FHIT: variants seen among roughly 807,000 people sequenced by gnomAD.
FHIT encodes the protein fragile histidine triad diadenosine triphosphatase.
FHIT carries 19 observed loss-of-function variants against 17.9 expected under a neutral mutation model. That is an observed-to-expected ratio of 1.06 (90% CI 0.74 to 1.56). The LOEUF (loss-of-function observed/expected upper bound fraction) is 1.56. FHIT is among the 40% of genes most tolerant of loss of function. FHIT has a pLI of 0.00. For missense variants in FHIT, 248 were observed against 189.2 expected, an observed-to-expected ratio of 1.31 and a Z score of -1.82; for synonymous variants, 81 against 69.7, an observed-to-expected ratio of 1.16 and a Z score of -0.81.
At chr3:61,026,812 T>C (rs2032758159) in intron 3 of FHIT, among the ~76,000 whole-genome samples, 2 of 152,180 alleles carry the variant, frequency 1.3e-5, no homozygotes, top group Admixed American at 6.5e-5. Context: ...TTTAAACTGA[T>C]AGTAAAAAGC....
At chr3:60,213,018 G>A (rs1703528823) in intron 5 of FHIT, among the ~76,000 whole-genome samples, 1 of 152,074 alleles carries the variant, frequency 6.6e-6, no homozygotes, top group African/African-American at 2.4e-5. Context: ...GCAAGAGAGG[G>A]ATCTGTGTCC....
chr3:61,015,530 G>A (rs1007934415), intron 3 of FHIT, among the ~76,000 whole-genome samples: 1 of 152,102 alleles, frequency 6.6e-6, no homozygotes, highest in African/African-American at 2.4e-5. Flanking sequence ...TTAAGAACTT[G>A]GAGGCATGCC....
intron 5 of FHIT, among the ~76,000 whole-genome samples, chr3:60,461,575 C>T (rs1372359855): frequency 6.6e-6 from 1 of 152,196 alleles, no homozygotes; most frequent in Non-Finnish European, 1.5e-5. Flanking sequence ...CAACGCTGTA[C>T]AGACAACGCA....
chr3:60,185,815 T>C (rs1702135769), intron 5 of FHIT, among the ~76,000 whole-genome samples: 1 of 152,212 alleles, frequency 6.6e-6, no homozygotes, highest in Non-Finnish European at 1.5e-5. Context: ...GTATTTGCTC[T>C]ACATCCTCCC....
At chr3:60,812,322 G>C (rs1306878707) in intron 4 of FHIT, among the ~76,000 whole-genome samples, 1 of 151,680 alleles carries the variant, frequency 6.6e-6, no homozygotes, top group Admixed American at 6.6e-5. Flanking sequence ...ATCATGCCTG[G>C]CTAATTTTTG....
At chr3:60,384,082 T>C (rs1353722409) in intron 5 of FHIT, among the ~76,000 whole-genome samples, 1 of 151,904 alleles carries the variant, frequency 6.6e-6, no homozygotes, top group Admixed American at 6.6e-5. Context: ...ATCTTGGCCA[T>C]CATGGTGAAA....
In FHIT at chr3:61,036,910, TTTTGTTTGTTTG is replaced by T. The variant is rs1210156763; in HGVS notation, c.-111+5125_-111+5136del. The stretch of plus-strand genomic sequence containing the variant: ...AAGATCAGTCTGCTTTGTTTTTTTT[TTTTGTTTGTTTG>T]TTTTTTTGAGATGGAGTCTCGCTCT... On this transcript the variant is annotated intron_variant, in intron 3 of 9. Transcript: ENST00000492590. 1.0e-3 allele frequency among the ~76,000 whole-genome samples: 133 copies of T among 130,938 alleles called. 7 individuals are homozygous for T. Among genetic ancestry groups the T allele is most frequent in the African/African-American group, 3.4e-3 (117 of 34,400 alleles). 85.9% of individuals were successfully genotyped at this position (130,938 alleles called of 152,430 possible). A position where few individuals can be genotyped will look rare whatever the true frequency, so the allele number is the denominator to read the frequency against.
chr3:60,790,478 C>T (rs1368674574), intron 4 of FHIT, among the ~76,000 whole-genome samples: 1 of 152,166 alleles, frequency 6.6e-6, no homozygotes, highest in Non-Finnish European at 1.5e-5. Flanking sequence ...GCAGTAGTCT[C>T]CTGAGTTATC....
intron 4 of FHIT, among the ~76,000 whole-genome samples, chr3:60,818,004 T>C (rs1409713067): frequency 1.3e-5 from 2 of 152,156 alleles, no homozygotes; most frequent in Non-Finnish European, 2.9e-5. Flanking sequence ...TATCTTTAAG[T>C]TCACTAACAC....
At chr3:59,764,803 C>A (rs1460501072) in intron 8 of FHIT, among the ~76,000 whole-genome samples, 1 of 143,008 alleles carries the variant, frequency 7.0e-6, no homozygotes, top group African/African-American at 2.5e-5. Flanking sequence ...ATTTTATATG[C>A]CCTATAATTG....
intron 5 of FHIT, among the ~76,000 whole-genome samples, chr3:60,419,113 G>C (rs1258104744): frequency 6.6e-6 from 1 of 152,134 alleles, no homozygotes; most frequent in African/African-American, 2.4e-5. Context: ...CGTGCAGTCA[G>C]GCAAGTGTGC....
At chr3:60,882,975 G>A (rs564474111) in intron 3 of FHIT, among the ~76,000 whole-genome samples, 12 of 152,078 alleles carry the variant, frequency 7.9e-5, no homozygotes, top group Admixed American at 4.6e-4. Context: ...CATATAAGCT[G>A]TACCAAAACA....
At chr3:59,789,842 A>G (rs887349134) in intron 8 of FHIT, among the ~76,000 whole-genome samples, 12 of 152,190 alleles carry the variant, frequency 7.9e-5, no homozygotes, top group African/African-American at 2.4e-4. Context: ...TTTATGAGCT[A>G]CCTGGGAAAG....
At chr3:59,929,742 T>C (rs923707016) in intron 7 of FHIT, among the ~76,000 whole-genome samples, 5 of 152,094 alleles carry the variant, frequency 3.3e-5, no homozygotes, top group South Asian at 2.1e-4. Context: ...ACTTACAGCA[T>C]AGAAAATCTG....
intron 4 of FHIT, among the ~76,000 whole-genome samples, chr3:60,685,138 G>C (rs1463133227): frequency 6.6e-6 from 1 of 152,122 alleles, no homozygotes; most frequent in African/African-American, 2.4e-5. Context: ...CGTTGGCTTT[G>C]TCACATACTC....
At chr3:59,884,065 G>A (rs1046768027) in intron 8 of FHIT, among the ~76,000 whole-genome samples, 1 of 152,136 alleles carries the variant, frequency 6.6e-6, no homozygotes, top group Non-Finnish European at 1.5e-5. Flanking sequence ...CACCTGTTTT[G>A]TCAGTGACAT....
chr3:60,415,488 T>A (rs1702213104), intron 5 of FHIT, among the ~76,000 whole-genome samples: 1 of 151,172 alleles, frequency 6.6e-6, no homozygotes, highest in Non-Finnish European at 1.5e-5. Context: ...CCTAAAAGCA[T>A]TATGTGATTT....
chr3:60,067,508 C>G (rs898951935), intron 5 of FHIT, among the ~76,000 whole-genome samples: 1 of 152,106 alleles, frequency 6.6e-6, no homozygotes, highest in Non-Finnish European at 1.5e-5. Flanking sequence ...TTGATTTCCT[C>G]CTTACATGAT....
intron 1 of FHIT, among the ~76,000 whole-genome samples, chr3:61,219,002 T>TA (rs1309148654): frequency 1.3e-5 from 2 of 152,150 alleles, no homozygotes; most frequent in African/African-American, 4.8e-5. Context: ...TGCATGTACT[T>TA]ACACAAACCT....
Sources: allele counts gnomAD v4.1 joint callset (sites outside exome capture counted in the v4.1 genomes callset), GRCh38; gene constraint gnomAD v4.1.1; transcripts MANE v1.5; gene names NCBI Gene and HGNC (gene_info 2026-07-23, HGNC 2026-07-21).